ATP2C1: variants seen among roughly 807,000 people sequenced by gnomAD.
ATP2C1 encodes calcium-transporting ATPase type 2C member 1.
A neutral mutation model predicts 120.5 loss-of-function variants in ATP2C1; 31 were observed. That is an observed-to-expected ratio of 0.26 (90% CI 0.19 to 0.35). ATP2C1 has a LOEUF of 0.35. Among genes scored for constraint, ATP2C1 ranks in the 10% least tolerant of loss-of-function variants. The pLI, the probability that ATP2C1 is intolerant of heterozygous loss-of-function variation, is 1.00. For synonymous variants in ATP2C1, 351 were observed against 358.7 expected, an observed-to-expected ratio of 0.98 and a Z score of 0.24; for missense variants, 731 against 1,107.5, an observed-to-expected ratio of 0.66 and a Z score of 4.83.
chr3:130,938,647 G>A (rs943639705), intron 6 of ATP2C1, among the ~76,000 whole-genome samples: 3 of 152,192 alleles, frequency 2.0e-5, no homozygotes, highest in African/African-American at 7.2e-5. Context: ...GTTGCCCATG[G>A]TCAGGTGGAG....
chr3:130,926,485 TAATATATGG>T (rs769224356), intron 2 of ATP2C1, among the ~76,000 whole-genome samples: 7 of 152,252 alleles, frequency 4.6e-5, no homozygotes, highest in Non-Finnish European at 1.0e-4. Flanking sequence ...CAGTATGTGT[TAATATATGG>T]GATAACCAGA....
At chr3:130,870,213 C>T (rs1045122855) in intron 1 of ATP2C1, among the ~76,000 whole-genome samples, 2 of 152,162 alleles carry the variant, frequency 1.3e-5, no homozygotes, top group African/African-American at 4.8e-5. Context: ...CTGCTCTTCA[C>T]AGTGCAGCTA....
chr3:130,871,020 C>G (rs953960931), intron 1 of ATP2C1, among the ~76,000 whole-genome samples: 2 of 152,200 alleles, frequency 1.3e-5, no homozygotes, highest in South Asian at 4.1e-4. Context: ...AGATCCCCTA[C>G]CAGCCAAAAT....
intron 2 of ATP2C1, among the ~76,000 whole-genome samples, chr3:130,907,585 G>A (rs1205966219): frequency 6.6e-6 from 1 of 151,920 alleles, no homozygotes; most frequent in African/African-American, 2.4e-5. Flanking sequence ...CAGAAATTAT[G>A]GGTTTATTTC....
chr3:131,006,403 C>T (rs1186031141), downstream of ATP2C1, among the ~76,000 whole-genome samples: 3 of 152,206 alleles, frequency 2.0e-5, no homozygotes, highest in Non-Finnish European at 2.9e-5. Flanking sequence ...TGAGCCACCA[C>T]GGTTGGCCTG....
chr3:130,902,424 T>A (rs1236197509), intron 2 of ATP2C1, among the ~76,000 whole-genome samples: 2 of 151,812 alleles, frequency 1.3e-5, no homozygotes, highest in African/African-American at 4.8e-5. Context: ...ATACTTTGGT[T>A]TGGGTTTGTA....
intron 5 of ATP2C1, among the ~76,000 whole-genome samples, 157 bp downstream of exon 5, chr3:130,934,868 G>C (rs1283741408): frequency 6.6e-6 from 1 of 151,958 alleles, no homozygotes; most frequent in Non-Finnish European, 1.5e-5. Flanking sequence ...GTTTCTTGTT[G>C]TATTGCCCAG....
At chr3:130,885,386 T>C (rs1272713031) in intron 1 of ATP2C1, among the ~76,000 whole-genome samples, 2 of 152,182 alleles carry the variant, frequency 1.3e-5, no homozygotes, top group East Asian at 3.9e-4. Context: ...TTGTTATGTG[T>C]TTTCTAGTTG....
intron 2 of ATP2C1, among the ~76,000 whole-genome samples, chr3:130,916,344 A>T (rs1052094811): frequency 1.3e-5 from 2 of 151,964 alleles, no homozygotes; most frequent in African/African-American, 4.8e-5. Context: ...TTAACCTGGG[A>T]GGCAGAGGTT....
At chr3:130,870,594 A>G (rs2068398574) in intron 1 of ATP2C1, among the ~76,000 whole-genome samples, 1 of 152,240 alleles carries the variant, frequency 6.6e-6, no homozygotes, top group Non-Finnish European at 1.5e-5. Context: ...AAAGGGCAAG[A>G]TAACTAGAAG....
intron 20 of ATP2C1, among the ~76,000 whole-genome samples, chr3:130,985,798 C>T (rs2061982149): frequency 6.6e-6 from 1 of 152,094 alleles, no homozygotes; most frequent in East Asian, 1.9e-4. Flanking sequence ...CGATCATTAA[C>T]TATATTTTGA....
At chr3:130,960,291 TCTC>T (rs567324090) in intron 12 of ATP2C1, among the ~76,000 whole-genome samples, 1 of 152,116 alleles carries the variant, frequency 6.6e-6, no homozygotes, top group Non-Finnish European at 1.5e-5. Flanking sequence ...CAGGCAGCCT[TCTC>T]CTGAGAGTCC....
chr3:131,016,440 T>A, exon 27 of ATP2C1: 1 of 1,344,468 alleles, frequency 7.4e-7, no homozygotes, highest in Middle Eastern at 2.5e-4. Context: ...AAGAAATTAA[T>A]TTAAAAAAAC....
chr3:130,862,000 G>A (rs1326612019), intron 1 of ATP2C1, among the ~76,000 whole-genome samples: 3 of 152,182 alleles, frequency 2.0e-5, no homozygotes, highest in East Asian at 1.9e-4. Flanking sequence ...TTGAGATGGA[G>A]TTTCGCTCTG....
chr3:130,955,932 T>C (rs2060562297), intron 10 of ATP2C1, 172 bp from the exon 11 acceptor site: 6 of 579,592 alleles, frequency 1.0e-5, no homozygotes, highest in East Asian at 3.1e-5. Flanking sequence ...ACCTTGGGCA[T>C]TGTGTAAAAT....
intron 2 of ATP2C1, among the ~76,000 whole-genome samples, chr3:130,920,688 G>C (rs2058914214): frequency 6.6e-6 from 1 of 152,102 alleles, no homozygotes; most frequent in Non-Finnish European, 1.5e-5. Flanking sequence ...ATGAATTTTA[G>C]AATCGTTTTT....
chr3:130,997,066 T>C (rs2062659537), intron 24 of ATP2C1, among the ~76,000 whole-genome samples: 1 of 152,106 alleles, frequency 6.6e-6, no homozygotes, highest in Non-Finnish European at 1.5e-5. Context: ...AGGAAGTAAG[T>C]AAGCCTTTTA....
chr3:130,853,559 T>C (rs1429623440), intron 1 of ATP2C1, among the ~76,000 whole-genome samples: 1 of 152,142 alleles, frequency 6.6e-6, no homozygotes, highest in Non-Finnish European at 1.5e-5. Context: ...AGCCTAGAAT[T>C]CTCTCCTTTA....
rs1411809257 is a variant in ATP2C1 at position 130,979,381 on chromosome 3, T to C, written c.1703T>C (p.Met568Thr). 1 of 1,613,678 alleles carries C rather than the reference T, an allele frequency of 6.2e-7. No homozygotes were observed. Among genetic ancestry groups the C allele is most frequent in the Non-Finnish European group, 8.5e-7 (1 of 1,179,702 alleles). ...ATTGCCTCAGGAGTATCAATAAAAA[T>C]GATTACTGGAGATTCACAGGAGACT... Reference protein sequence around the residue: ...TLIASGVSIKMITGDSQETAV... With the variant: ...TLIASGVSIKTITGDSQETAV... Residue 568 changes from methionine to threonine, a missense_variant, in exon 19 of 28, where the codon ATG (methionine) becomes ACG (threonine). Around this residue, in one of 3 missense-constraint regions of ATP2C1, gnomAD observed 571 missense variants for 845.9 expected, o/e 0.67. Coordinates refer to ENST00000510168, the MANE Select transcript of ATP2C1 (RefSeq NM_001378687.1).
Sources: allele counts gnomAD v4.1 joint callset (sites outside exome capture counted in the v4.1 genomes callset), GRCh38; gene constraint gnomAD v4.1.1; regional missense constraint gnomAD v4.1.1; transcripts MANE v1.5; gene names NCBI Gene and HGNC (gene_info 2026-07-23, HGNC 2026-07-21).